Variants in CMTM8 observed in about 807,000 individuals in gnomAD.
CMTM8 encodes the protein CKLF like MARVEL transmembrane domain containing 8.
Under a neutral mutation model 18.6 loss-of-function variants are expected in CMTM8, and 12 were observed. That is an observed-to-expected ratio of 0.65 (90% CI 0.41 to 1.05). The LOEUF is 1.05. Among genes scored for constraint, CMTM8 ranks in the 50% least tolerant of loss-of-function variants. The pLI is 0.00. For synonymous variants in CMTM8, 87 were observed against 90.6 expected (o/e 0.96, Z 0.23); for missense variants, 217 against 227.2 (o/e 0.95, Z 0.29).
intron 1 of CMTM8, among the ~76,000 whole-genome samples, chr3:32,310,540 G>A (rs969574180): frequency 1.3e-5 from 2 of 152,106 alleles, no homozygotes; most frequent in African/African-American, 4.8e-5. Context: ...TTTCTCCTAG[G>A]GTTATTTTCC....
chr3:32,363,983 G>A (rs1033105532), intron 2 of CMTM8, among the ~76,000 whole-genome samples: 1 of 152,202 alleles, frequency 6.6e-6, no homozygotes, highest in African/African-American at 2.4e-5. Context: ...CTTCTGTCAA[G>A]CATGAGTGTC....
At chr3:32,319,074 A>ATATATATATATATATATATTTTTT in intron 1 of CMTM8, among the ~76,000 whole-genome samples, 7 of 31,526 alleles carry the variant, frequency 2.2e-4, no homozygotes, top group Admixed American at 5.7e-4. Flanking sequence ...ATATATATAT[A>ATATATATATATATATATATTTTTT]TTTTTTTTTT....
At chr3:32,315,231 G>A (rs145698058) in intron 1 of CMTM8, among the ~76,000 whole-genome samples, 1,792 of 151,638 alleles carry the variant, frequency 0.012, 40 homozygotes, top group African/African-American at 0.041. Context: ...CCAGGTTCAA[G>A]TGATTCTCCT....
At chr3:32,270,969 A>C (rs1401947048) in intron 1 of CMTM8, among the ~76,000 whole-genome samples, 1 of 152,152 alleles carries the variant, frequency 6.6e-6, no homozygotes, top group Non-Finnish European at 1.5e-5. Flanking sequence ...CACTACTACT[A>C]TCCTAACTTC....
chr3:32,334,005 T>A (rs969612690), intron 1 of CMTM8, among the ~76,000 whole-genome samples: 7 of 151,124 alleles, frequency 4.6e-5, no homozygotes, highest in Non-Finnish European at 8.9e-5. Context: ...CAAGACAGAG[T>A]GTCCCTCTGT....
At chr3:32,260,692 C>T (rs1234963225) in intron 1 of CMTM8, among the ~76,000 whole-genome samples, 1 of 145,514 alleles carries the variant, frequency 6.9e-6, no homozygotes, top group Non-Finnish European at 1.5e-5. Flanking sequence ...CCCCTGTTTT[C>T]ACATGTTTAT....
chr3:32,271,142 T>C (rs1197073898), intron 1 of CMTM8, among the ~76,000 whole-genome samples: 2 of 152,254 alleles, frequency 1.3e-5, no homozygotes, highest in East Asian at 3.8e-4. Flanking sequence ...ATTTGTTTGT[T>C]TGAGACAGAG....
At chr3:32,310,342 C>T (rs1046783338) in intron 1 of CMTM8, among the ~76,000 whole-genome samples, 9 of 152,028 alleles carry the variant, frequency 5.9e-5, no homozygotes, top group African/African-American at 1.9e-4. Context: ...ATTTACAGTT[C>T]AGCTGTGTTT....
At position 32,297,511 on chromosome 3, in the gene CMTM8, T is replaced by C. The variant is rs543498957; in HGVS notation, c.147+58392T>C. On this transcript the variant is annotated intron_variant, in intron 1 of 3. Transcript: ENST00000307526. Reference sequence around the variant, plus strand: ...TAAACTTTTGATGAGGCTATTCTTATCTGTGAACCAACATTTGTGACTAAA... The same window carrying C: ...TAAACTTTTGATGAGGCTATTCTTACCTGTGAACCAACATTTGTGACTAAA... 1.7e-4 allele frequency among the ~76,000 whole-genome samples: 25 copies of C among 148,866 alleles called. No individual in the cohort carries two copies. In the South Asian group the frequency reaches 5.0e-3, roughly 30 times the overall value.
chr3:32,269,866 C>T (rs151016251), intron 1 of CMTM8, among the ~76,000 whole-genome samples: 188 of 152,220 alleles, frequency 1.2e-3, no homozygotes, highest in African/African-American at 4.4e-3. Flanking sequence ...TAAACTTGAA[C>T]TCCTGGACTC....
intron 1 of CMTM8, among the ~76,000 whole-genome samples, chr3:32,331,458 A>G (rs1696272871): frequency 6.6e-6 from 1 of 151,890 alleles, no homozygotes; most frequent in Non-Finnish European, 1.5e-5. Flanking sequence ...CAACAATCCC[A>G]CTTCTGGGTA....
intron 1 of CMTM8, among the ~76,000 whole-genome samples, chr3:32,339,675 A>G (rs536573039): frequency 6.6e-6 from 1 of 152,340 alleles, no homozygotes; most frequent in East Asian, 1.9e-4. Flanking sequence ...AGAACTCTGC[A>G]GGGGTAGGCC....
chr3:32,315,265 G>A (rs952252375), intron 1 of CMTM8, among the ~76,000 whole-genome samples: 4 of 151,972 alleles, frequency 2.6e-5, no homozygotes, highest in Admixed American at 6.6e-5. Context: ...GAGTAGCTGG[G>A]ATTACAGGCG....
At chr3:32,357,683 A>G (rs1696843417) in intron 2 of CMTM8, 137 bp downstream of exon 2, 1 of 783,048 alleles carries the variant, frequency 1.3e-6, no homozygotes, top group Non-Finnish European at 2.0e-6. Flanking sequence ...ACAGCAGATA[A>G]TCTCAGCATC....
At chr3:32,243,740 A>C (rs1323465041) in intron 1 of CMTM8, 1 of 152,356 alleles carries the variant, frequency 6.6e-6, no homozygotes. Context: ...CACCATGTAC[A>C]GTGTGAGCCA....
intron 1 of CMTM8, among the ~76,000 whole-genome samples, chr3:32,274,380 G>A (rs1486383898): frequency 6.6e-6 from 1 of 152,032 alleles, no homozygotes; most frequent in Non-Finnish European, 1.5e-5. Flanking sequence ...GCTAGAAATT[G>A]AAGTCAGAAT....
intron 1 of CMTM8, among the ~76,000 whole-genome samples, chr3:32,284,914 C>T (rs1034622912): frequency 2.6e-5 from 4 of 152,098 alleles, no homozygotes; most frequent in East Asian, 3.8e-4. Flanking sequence ...GAAATGCAGA[C>T]GCAGGATTCA....
At position 32,295,465 on chromosome 3, in the gene CMTM8, AAAAAAAAAAAAAACAAAAC is replaced by A. The variant is rs1482464368; in HGVS notation, c.147+56351_147+56369del. On this transcript the variant is annotated intron_variant, in intron 1 of 3. Transcript: ENST00000307526. The stretch of plus-strand genomic sequence containing the variant: ...AGCGAGACTCCATCTCAAAAAAAAA[AAAAAAAAAAAAAACAAAAC>A]AAAACAGCGGAAAGAGAAAATCCCT... Among the ~76,000 whole-genome samples, 1,407 of 142,452 alleles carry A rather than the reference AAAAAAAAAAAAAACAAAAC, an allele frequency of 9.9e-3. 51 individuals carry two copies. Among genetic ancestry groups the A allele is most frequent in the African/African-American group, 0.035 (1,321 of 37,692 alleles). The allele number at this position is 142,452 out of a possible 152,430, so 93.5% of individuals were successfully genotyped here. A position where few individuals can be genotyped will look rare whatever the true frequency, so the allele number is the denominator to read the frequency against.
intron 1 of CMTM8, among the ~76,000 whole-genome samples, chr3:32,348,975 A>G (rs759885977): frequency 2.6e-5 from 4 of 151,990 alleles, no homozygotes; most frequent in Non-Finnish European, 4.4e-5. Context: ...AATTTAAAAA[A>G]CTATTTTTGT....
Sources: allele counts gnomAD v4.1 joint callset (sites outside exome capture counted in the v4.1 genomes callset), GRCh38; gene constraint gnomAD v4.1.1; transcripts MANE v1.5; gene names NCBI Gene and HGNC (gene_info 2026-07-23, HGNC 2026-07-21).